The following C14orf132 variants were observed in gnomAD, a reference collection of about 807,000 sequenced individuals.
C14orf132 encodes uncharacterized protein C14orf132.
In C14orf132, 6 loss-of-function variants were observed where a neutral mutation model predicts 5.8. That is an observed-to-expected ratio of 1.03 (90% CI 0.57 to 2.04). C14orf132 has a LOEUF of 2.04. C14orf132 is among the 30% of genes most tolerant of loss of function. The pLI is 0.00. For missense variants in C14orf132, 125 were observed against 115.8 expected (o/e 1.08, Z -0.37); for synonymous variants, 51 against 49.8 (o/e 1.02, Z -0.10).
At chr14:96,051,963 G>C (rs949662630) in intron 1 of C14orf132, among the ~76,000 whole-genome samples, 1 of 152,276 alleles carries the variant, frequency 6.6e-6, no homozygotes, top group Non-Finnish European at 1.5e-5. Flanking sequence ...GAGGATAGCT[G>C]TCGTAGGTGA....
rs1888281246 is a variant in C14orf132 at position 96,088,539 on chromosome 14, C to T, written c.*1804C>T. 1 of 152,342 alleles carries T rather than the reference C, an allele frequency of 6.6e-6. No individual in the cohort carries two copies. The highest frequency in any genetic ancestry group is 2.1e-4 in the South Asian group (1 of 4,822). 9.4% of individuals were successfully genotyped at this position (152,342 alleles called of 1,614,324 possible). A position where few individuals can be genotyped will look rare whatever the true frequency, so the allele number is the denominator to read the frequency against. On this transcript the variant is annotated 3_prime_UTR_variant, in exon 2 of 2. Coordinates refer to ENST00000555004, the MANE Select transcript of C14orf132 (RefSeq NM_001252507.3). ...GTGAATGGCTCTGTCTCCAGCAAGTCTCTCTCCATCAAACCCCAGGTCTGC... is the reference window on the plus strand; with the variant it reads ...GTGAATGGCTCTGTCTCCAGCAAGTTTCTCTCCATCAAACCCCAGGTCTGC...
At chr14:96,083,011 G>A (rs1215934619) in intron 1 of C14orf132, among the ~76,000 whole-genome samples, 1 of 152,160 alleles carries the variant, frequency 6.6e-6, no homozygotes, top group East Asian at 1.9e-4. Context: ...CCCACGCTCT[G>A]AGACAGCAGA....
chr14:96,047,571 C>T (rs1215113041), intron 1 of C14orf132, among the ~76,000 whole-genome samples: 3 of 152,200 alleles, frequency 2.0e-5, no homozygotes, highest in Non-Finnish European at 4.4e-5. Flanking sequence ...AAACCCTGTG[C>T]TGAGCAACAC....
At chr14:96,067,842 G>T (rs1229453928) in intron 1 of C14orf132, among the ~76,000 whole-genome samples, 2 of 152,046 alleles carry the variant, frequency 1.3e-5, no homozygotes, top group Non-Finnish European at 2.9e-5. Flanking sequence ...TCTTTGTCCT[G>T]CTCAATGTTA....
chr14:96,060,466 C>A (rs769804260), intron 1 of C14orf132, among the ~76,000 whole-genome samples: 4 of 152,116 alleles, frequency 2.6e-5, no homozygotes, highest in Admixed American at 6.5e-5. Flanking sequence ...AGTTCCAGTG[C>A]CGTGCATGTT....
intron 1 of C14orf132, among the ~76,000 whole-genome samples, chr14:96,066,923 G>C (rs556650169): frequency 6.6e-6 from 1 of 152,286 alleles, no homozygotes; most frequent in African/African-American, 2.4e-5. Context: ...GAGTGAGGAG[G>C]GTTAGGAGTT....
intron 1 of C14orf132, among the ~76,000 whole-genome samples, chr14:96,054,045 T>G (rs967456094): frequency 1.3e-5 from 2 of 152,160 alleles, no homozygotes; most frequent in African/African-American, 4.8e-5. Flanking sequence ...GTGAGCATAA[T>G]GACCCCTCAG....
At chr14:96,084,733 G>A (rs1566836993) in intron 1 of C14orf132, among the ~76,000 whole-genome samples, 1 of 152,198 alleles carries the variant, frequency 6.6e-6, no homozygotes, top group Non-Finnish European at 1.5e-5. Flanking sequence ...CACCTGGCCT[G>A]CCCTGAGCCC....
At chr14:96,053,833 A>G (rs1008204335) in intron 1 of C14orf132, among the ~76,000 whole-genome samples, 11 of 152,234 alleles carry the variant, frequency 7.2e-5, no homozygotes, top group African/African-American at 2.7e-4. Flanking sequence ...ACCCACAGTC[A>G]TGAGGCCTTG....
At chr14:96,064,300 A>C (rs1326280452) in intron 1 of C14orf132, among the ~76,000 whole-genome samples, 1 of 151,720 alleles carries the variant, frequency 6.6e-6, no homozygotes, top group Non-Finnish European at 1.5e-5. Context: ...CAACTGCAAA[A>C]TCGTGGAACT....
Position 96,039,666 on chromosome 14 carries a change from AC to A in C14orf132, c.27+144del, listed in dbSNP as rs1886630822. 3.3e-6 allele frequency: 3 copies of A among 899,092 alleles called. No individual in the cohort carries two copies. Among genetic ancestry groups the A allele is most frequent in the Non-Finnish European group, 4.5e-6 (3 of 671,616 alleles). 55.7% of individuals were successfully genotyped at this position (899,092 alleles called of 1,614,324 possible). A position where few individuals can be genotyped will look rare whatever the true frequency, so the allele number is the denominator to read the frequency against. On this transcript the variant is annotated intron_variant, in intron 1 of 1. Coordinates refer to ENST00000555004, the MANE Select transcript of C14orf132 (RefSeq NM_001252507.3). This position sits in a 1 kb window ranked among gnomAD's most constrained non-coding sequence, Gnocchi z 5.3. ...CCCGGTCCTTTGTCCCGAGCCGGAC[AC>A]CCCCACTTGGTGCACGCGTCGGGGG...
chr14:96,083,832 A>G (rs552715270), intron 1 of C14orf132, among the ~76,000 whole-genome samples: 28 of 152,328 alleles, frequency 1.8e-4, no homozygotes, highest in Non-Finnish European at 3.1e-4. Flanking sequence ...CTGCAAAGCT[A>G]TTAAATAAAT....
rs1003322201 is a variant in C14orf132 at position 96,053,228 on chromosome 14, C to T, written c.27+13701C>T. ...CATGTCCAGAATCCACACCTTTCCCCGGCCCATTTAATTCTCAAGTGTTAA... is the reference window on the plus strand; with the variant it reads ...CATGTCCAGAATCCACACCTTTCCCTGGCCCATTTAATTCTCAAGTGTTAA... On this transcript the variant is annotated intron_variant, in intron 1 of 1. Coordinates refer to ENST00000555004, the MANE Select transcript of C14orf132 (RefSeq NM_001252507.3). 3.9e-5 allele frequency among the ~76,000 whole-genome samples: 6 copies of T among 152,356 alleles called. No homozygotes were observed. The East Asian group carries it at 5.8e-4, about 15-fold the overall frequency.
At chr14:96,070,142 G>A (rs1358666042) in intron 1 of C14orf132, among the ~76,000 whole-genome samples, 1 of 152,250 alleles carries the variant, frequency 6.6e-6, no homozygotes, top group Admixed American at 6.5e-5. Context: ...AGCCTATGAA[G>A]TAGGAGCCTT....
chr14:96,057,432 A>C (rs1384544428), intron 1 of C14orf132, among the ~76,000 whole-genome samples: 4 of 152,230 alleles, frequency 2.6e-5, no homozygotes, highest in African/African-American at 9.6e-5. Context: ...TAAATTGCCT[A>C]GTCTGTGGGA....
intron 1 of C14orf132, among the ~76,000 whole-genome samples, chr14:96,067,627 A>C (rs941184728): frequency 6.6e-6 from 1 of 151,500 alleles, no homozygotes; most frequent in African/African-American, 2.4e-5. Flanking sequence ...TGAACCCAGG[A>C]GGCAGAGGTT....
intron 1 of C14orf132, among the ~76,000 whole-genome samples, chr14:96,076,048 T>C (rs186443895): frequency 4.0e-4 from 61 of 152,322 alleles, no homozygotes; most frequent in Admixed American, 2.7e-3. Context: ...CATTTGGTGA[T>C]TTTTTCCCAG....
intron 1 of C14orf132, among the ~76,000 whole-genome samples, chr14:96,051,586 G>A (rs897194539): frequency 6.6e-6 from 1 of 152,184 alleles, no homozygotes; most frequent in Non-Finnish European, 1.5e-5. Flanking sequence ...CAGCAGCTTT[G>A]AGGGACACCT....
chr14:96,050,583 C>G (rs1178552616), intron 1 of C14orf132, among the ~76,000 whole-genome samples: 1 of 152,216 alleles, frequency 6.6e-6, no homozygotes, highest in East Asian at 1.9e-4. Flanking sequence ...CCAGGGTTCT[C>G]TCTGTGGGCG....
Sources: gnomAD v4.1 joint callset for allele counts (sites outside exome capture counted in the v4.1 genomes callset) on GRCh38, gnomAD v4.1.1 for gene constraint, Gnocchi (gnomAD v3.1) non-coding constraint, MANE v1.5 for transcripts, NCBI Gene and HGNC (gene_info 2026-07-23, HGNC 2026-07-21) for gene names.